The following IKZF3 variants were observed in gnomAD, a reference collection of about 807,000 sequenced individuals.
The protein encoded by IKZF3 is zinc finger protein Aiolos.
In IKZF3, 10 loss-of-function variants were observed where a neutral mutation model predicts 49.0. The ratio of observed to expected loss-of-function variants is 0.20; its 90% confidence interval spans 0.13 to 0.35. The LOEUF (loss-of-function observed/expected upper bound fraction) is 0.35. Ranked by LOEUF, IKZF3 falls within the 10% of genes least tolerant of loss-of-function variation. The pLI is 1.00. For missense variants in IKZF3, 498 were observed against 664.8 expected (o/e 0.75, Z 2.76); for synonymous variants, 209 against 228.2 (o/e 0.92, Z 0.76).
intron 1 of IKZF3, among the ~76,000 whole-genome samples, chr17:39,850,761 T>TA (rs373142198): frequency 1.6e-5 from 1 of 62,258 alleles, no homozygotes; most frequent in Non-Finnish European, 3.2e-5. Flanking sequence ...ATACTATATA[T>TA]TATATATAAT....
intron 3 of IKZF3, among the ~76,000 whole-genome samples, chr17:39,818,989 C>T (rs1202831854): frequency 2.6e-5 from 4 of 152,142 alleles, no homozygotes; most frequent in Non-Finnish European, 5.9e-5. Flanking sequence ...CATGACACTC[C>T]TAGACCCCTA....
chr17:39,774,137 G>A (rs568036422), intron 7 of IKZF3, among the ~76,000 whole-genome samples: 10 of 152,176 alleles, frequency 6.6e-5, no homozygotes, highest in South Asian at 2.1e-4. Context: ...TCGCCAGCCC[G>A]CCTGAGATAG....
At chr17:39,849,708 C>T (rs1297178867) in intron 1 of IKZF3, among the ~76,000 whole-genome samples, 1 of 151,884 alleles carries the variant, frequency 6.6e-6, no homozygotes, top group Non-Finnish European at 1.5e-5. Context: ...AAACCTTAGA[C>T]GCTTCAGGAA....
At chr17:39,816,906 G>T (rs984487858) in intron 3 of IKZF3, among the ~76,000 whole-genome samples, 17 of 152,128 alleles carry the variant, frequency 1.1e-4, no homozygotes, top group African/African-American at 3.6e-4. Context: ...TAGAGACGGG[G>T]TTTCACCATG....
At chr17:39,823,484 G>A (rs1042733048) in intron 3 of IKZF3, among the ~76,000 whole-genome samples, 1 of 152,152 alleles carries the variant, frequency 6.6e-6, no homozygotes, top group African/African-American at 2.4e-5. Flanking sequence ...AAGTAATGAG[G>A]TGCCTAATGT....
chr17:39,845,785 T>A (rs1314623032), intron 1 of IKZF3, among the ~76,000 whole-genome samples: 4 of 152,202 alleles, frequency 2.6e-5, no homozygotes, highest in Admixed American at 2.6e-4. Flanking sequence ...GTTGCGGTTT[T>A]CACTGACGCA....
intron 3 of IKZF3, among the ~76,000 whole-genome samples, chr17:39,825,139 C>A (rs1449925834): frequency 3.3e-5 from 5 of 152,206 alleles, no homozygotes; most frequent in Admixed American, 1.3e-4. Context: ...AATTAAACCT[C>A]TTTTCTTTAT....
At chr17:39,773,563 T>C (rs2313430) in intron 7 of IKZF3, among the ~76,000 whole-genome samples, 73,474 of 152,054 alleles carry the variant, frequency 0.48, 18,117 homozygotes, top group East Asian at 0.71. Context: ...GAGATCTTTT[T>C]TTCATGTTCT....
rs2060179042 is a variant in IKZF3 at position 39,761,363 on chromosome 17, C to T, written c.*4427G>A. On this transcript the variant is annotated 3_prime_UTR_variant, in exon 8 of 8. Transcript: ENST00000346872. ...GTGGTGGGGGCTCACGGGAGAGACA[C>T]TTCTATTTAGTTTTCTTTCCGTAGG... The T allele has an allele frequency of 6.6e-6, 1 of 151,556 alleles. No individual in the cohort carries two copies. The highest frequency in any genetic ancestry group is 2.4e-5 in the African/African-American group (1 of 41,208). 9.4% of individuals were successfully genotyped at this position (151,556 alleles called of 1,614,324 possible).
Position 39,765,241 on chromosome 17 carries a change from G to C in IKZF3, c.*549C>G, listed in dbSNP as rs1449417182. 1 of 152,450 alleles carries C rather than the reference G, an allele frequency of 6.6e-6. No individual in the cohort carries two copies. The highest frequency in any genetic ancestry group is 1.5e-5 in the Non-Finnish European group (1 of 68,136). 9.4% of individuals were successfully genotyped at this position (152,450 alleles called of 1,614,324 possible). A position where few individuals can be genotyped will look rare whatever the true frequency, so the allele number is the denominator to read the frequency against. ...ATAGGAAATGGATCTGATGCTTGGA[G>C]AATGGGGTCTTCAGTTACTCGTAAC... On this transcript the variant is annotated 3_prime_UTR_variant, in exon 8 of 8. Coordinates refer to ENST00000346872, the MANE Select transcript of IKZF3 (RefSeq NM_012481.5).
intron 1 of IKZF3, among the ~76,000 whole-genome samples, chr17:39,840,181 G>A (rs2062424616): frequency 6.6e-6 from 1 of 152,142 alleles, no homozygotes; most frequent in Admixed American, 6.5e-5. Context: ...CCTCAGTTGG[G>A]CTATTTAGAG....
chr17:39,863,688 T>C (rs2063278220), intron 1 of IKZF3, among the ~76,000 whole-genome samples: 1 of 152,230 alleles, frequency 6.6e-6, no homozygotes, highest in Non-Finnish European at 1.5e-5. Context: ...CTTTAAAATG[T>C]ACCTTTCCCA....
chr17:39,785,449 A>G (rs988345413), intron 6 of IKZF3, among the ~76,000 whole-genome samples: 4 of 152,200 alleles, frequency 2.6e-5, no homozygotes, highest in Non-Finnish European at 5.9e-5. Context: ...ATGAAATGCA[A>G]ATTAACTCAA....
At chr17:39,796,917 C>G (rs2061179278) in intron 3 of IKZF3, among the ~76,000 whole-genome samples, 1 of 150,950 alleles carries the variant, frequency 6.6e-6, no homozygotes, top group Non-Finnish European at 1.5e-5. Context: ...GTAATTCCAG[C>G]ACTTTGGGAG....
intron 3 of IKZF3, among the ~76,000 whole-genome samples, chr17:39,796,476 C>T (rs1376603198): frequency 6.6e-6 from 1 of 151,890 alleles, no homozygotes; most frequent in African/African-American, 2.4e-5. Flanking sequence ...TTTTCCTTTC[C>T]TTTTGCAATT....
intron 1 of IKZF3, among the ~76,000 whole-genome samples, chr17:39,843,809 A>T (rs113675136): frequency 4.0e-4 from 51 of 128,836 alleles, no homozygotes; most frequent in African/African-American, 5.2e-4. Context: ...TCCGTCTTTT[A>T]AAAAAAAAAA....
chr17:39,761,577 T>TATATATAC lies in IKZF3; in HGVS notation c.*4212_*4213insGTATATAT, dbSNP rs1237928991. Reference sequence around the variant, plus strand: ...AAATATACATACATATATATACATATACAAAAAAAATAAAAATAAATTAAA... The same window carrying TATATATAC: ...AAATATACATACATATATATACATATATATATACACAAAAAAAATAAAAATAAATTAAA... On this transcript the variant is annotated 3_prime_UTR_variant, in exon 8 of 8. Transcript: ENST00000346872. The TATATATAC allele has an allele frequency of 2.0e-5, 3 of 151,732 alleles. No individual in the cohort carries two copies. The highest frequency in any genetic ancestry group is 7.3e-5 in the African/African-American group (3 of 41,214). The allele number at this position is 151,732 out of a possible 1,614,324, so 9.4% of individuals were successfully genotyped here. A position where few individuals can be genotyped will look rare whatever the true frequency, so the allele number is the denominator to read the frequency against.
At chr17:39,836,513 T>C (rs1371359287) in intron 1 of IKZF3, among the ~76,000 whole-genome samples, 1 of 152,222 alleles carries the variant, frequency 6.6e-6, no homozygotes, top group Non-Finnish European at 1.5e-5. Flanking sequence ...TTCTCAAGTG[T>C]ACTGTTTAAT....
chr17:39,857,974 A>G (rs2063112516), intron 1 of IKZF3, among the ~76,000 whole-genome samples: 1 of 151,984 alleles, frequency 6.6e-6, no homozygotes, highest in African/African-American at 2.4e-5. Flanking sequence ...AAAAAAAAAA[A>G]AAAGAGAGAG....
Sources: gnomAD v4.1 joint callset for allele counts (sites outside exome capture counted in the v4.1 genomes callset) on GRCh38, gnomAD v4.1.1 for gene constraint, MANE v1.5 for transcripts, NCBI Gene and HGNC (gene_info 2026-07-23, HGNC 2026-07-21) for gene names.